Variants in GATAD2B observed in about 807,000 individuals in gnomAD.
GATAD2B encodes transcriptional repressor p66-beta.
In GATAD2B, 8 loss-of-function variants were observed where a neutral mutation model predicts 64.3. That is an observed-to-expected ratio of 0.12 (90% CI 0.07 to 0.22). The LOEUF is 0.22. Ranked by LOEUF, GATAD2B falls within the 10% of genes least tolerant of loss-of-function variation. The probability of loss-of-function intolerance (pLI) is 1.00; values close to 1 mark genes in which losing one functional copy is unlikely to be tolerated. For synonymous variants in GATAD2B, 281 were observed against 271.3 expected (o/e 1.04, Z -0.35); for missense variants, 453 against 752.0 (o/e 0.60, Z 4.65).
intron 1 of GATAD2B, among the ~76,000 whole-genome samples, chr1:153,879,537 G>A (rs185223259): frequency 1.3e-5 from 2 of 152,056 alleles, no homozygotes; most frequent in Admixed American, 6.5e-5. Flanking sequence ...GTCAAGACGG[G>A]CGGATTATGA....
intron 1 of GATAD2B, among the ~76,000 whole-genome samples, chr1:153,878,014 G>A (rs1176367274): frequency 1.3e-5 from 2 of 151,666 alleles, no homozygotes; most frequent in South Asian, 2.1e-4. Context: ...TTGTCTTTCA[G>A]TACTCAACAG....
At chr1:153,900,196 T>A (rs1029291174) in intron 1 of GATAD2B, among the ~76,000 whole-genome samples, 1 of 151,974 alleles carries the variant, frequency 6.6e-6, no homozygotes, top group Non-Finnish European at 1.5e-5. Flanking sequence ...GGCAGGCGGA[T>A]CACGAGGTCA....
chr1:153,842,372 AGTT>A (rs1437565857), intron 1 of GATAD2B, among the ~76,000 whole-genome samples: 3 of 152,134 alleles, frequency 2.0e-5, no homozygotes, highest in Non-Finnish European at 2.9e-5. Context: ...TTTAGATACT[AGTT>A]GTTAGTCATC....
At chr1:153,872,533 G>T (rs1676703930) in intron 1 of GATAD2B, among the ~76,000 whole-genome samples, 1 of 149,314 alleles carries the variant, frequency 6.7e-6, no homozygotes, top group Non-Finnish European at 1.5e-5. Flanking sequence ...TCTTTCGAAG[G>T]TTGACATATT....
At chr1:153,873,839 C>T (rs1248670346) in intron 1 of GATAD2B, among the ~76,000 whole-genome samples, 1 of 152,194 alleles carries the variant, frequency 6.6e-6, no homozygotes, top group Non-Finnish European at 1.5e-5. Flanking sequence ...GTCCTAGCTA[C>T]TTGAGAGGCT....
At chr1:153,916,334 A>C (rs1020413671) in intron 1 of GATAD2B, among the ~76,000 whole-genome samples, 7 of 152,152 alleles carry the variant, frequency 4.6e-5, no homozygotes, top group Non-Finnish European at 7.4e-5. Flanking sequence ...GTAAGCGATC[A>C]AGGCAATATC....
chr1:153,869,878 G>A (rs1293807371), intron 1 of GATAD2B, among the ~76,000 whole-genome samples: 1 of 152,156 alleles, frequency 6.6e-6, no homozygotes. Context: ...TATAATCCCA[G>A]CACTTTGGGA....
intron 1 of GATAD2B, 107 bp from the exon 2 acceptor site, chr1:153,828,455 TACACACACACACACACACACACACAC>T: frequency 6.9e-6 from 4 of 583,434 alleles, no homozygotes; most frequent in East Asian, 2.9e-5. Context: ...CTCTCACACA[TACACACACACACACACACACACACAC>T]ACACACACAC....
chr1:153,916,726 T>C (rs146567573), intron 1 of GATAD2B, among the ~76,000 whole-genome samples: 26 of 152,350 alleles, frequency 1.7e-4, no homozygotes, highest in African/African-American at 5.5e-4. Context: ...TTTATGCTTG[T>C]ATTTCATACT....
At chr1:153,833,999 T>C (rs1675176307) in intron 1 of GATAD2B, among the ~76,000 whole-genome samples, 1 of 151,226 alleles carries the variant, frequency 6.6e-6, no homozygotes, top group Admixed American at 6.6e-5. Context: ...TGTTTTTTTT[T>C]GGTTGTTTTT....
intron 1 of GATAD2B, among the ~76,000 whole-genome samples, chr1:153,908,040 T>A (rs573924219): frequency 2.0e-5 from 3 of 152,290 alleles, no homozygotes; most frequent in South Asian, 4.1e-4. Context: ...CCTGACCTCA[T>A]GATCTGCCTG....
intron 1 of GATAD2B, among the ~76,000 whole-genome samples, chr1:153,829,626 A>G (rs1675007692): frequency 6.6e-6 from 1 of 152,100 alleles, no homozygotes; most frequent in South Asian, 2.1e-4. Context: ...AATCCCTGCT[A>G]CTTGGGAAGC....
intron 1 of GATAD2B, among the ~76,000 whole-genome samples, chr1:153,904,321 T>A (rs756018772): frequency 6.8e-6 from 1 of 146,992 alleles, no homozygotes. Context: ...TAAATAAATA[T>A]TAGCTTGTAT....
At chr1:153,820,964 G>A (rs2101884526) in intron 2 of GATAD2B, among the ~76,000 whole-genome samples, 1 of 137,292 alleles carries the variant, frequency 7.3e-6, no homozygotes, top group African/African-American at 2.8e-5. Context: ...AGTTGCTGTT[G>A]GCACATGGAA....
intron 2 of GATAD2B, among the ~76,000 whole-genome samples, chr1:153,820,376 C>G (rs768699317): frequency 1.3e-5 from 2 of 152,250 alleles, no homozygotes; most frequent in South Asian, 2.1e-4. Flanking sequence ...TACTAGATAA[C>G]TCTCATTTAG....
At chr1:153,877,623 A>C (rs151075407) in intron 1 of GATAD2B, among the ~76,000 whole-genome samples, 7 of 152,222 alleles carry the variant, frequency 4.6e-5, no homozygotes, top group Non-Finnish European at 1.0e-4. Context: ...CATGCCTGTA[A>C]TCCCAGCACT....
rs1674164877 is a variant in GATAD2B, at chr1:153,808,114, C to A, written c.*2063G>T. On this transcript the variant is annotated 3_prime_UTR_variant, in exon 11 of 11. Coordinates refer to ENST00000368655, the MANE Select transcript of GATAD2B (RefSeq NM_020699.4). ...TCCCAGACCCAGTTCCATTAACCCC[C>A]CTCCCTCTCCCACCACTTACAGTCA... 2 of 152,250 alleles carry A rather than the reference C, an allele frequency of 1.3e-5. No individual in the cohort carries two copies. Among genetic ancestry groups the A allele is most frequent in the Admixed American group, 1.3e-4 (2 of 15,252 alleles). 9.4% of individuals were successfully genotyped at this position (152,250 alleles called of 1,614,324 possible).
intron 1 of GATAD2B, among the ~76,000 whole-genome samples, chr1:153,885,075 A>G (rs111510329): frequency 1.3e-5 from 2 of 152,158 alleles, no homozygotes; most frequent in African/African-American, 4.8e-5. Flanking sequence ...CATCTTCTGG[A>G]TATGGAAATT....
chr1:153,816,683 G>A lies in GATAD2B; in HGVS notation c.901-95C>T, dbSNP rs551549879. ...GAGGACACTGTCTGATCCTGGTTTG[G>A]ACTACTTAGCTTCTCCAAAAATAGG... On this transcript the variant is annotated intron_variant, in intron 6 of 10. Coordinates refer to ENST00000368655, the MANE Select transcript of GATAD2B (RefSeq NM_020699.4). The surrounding 1 kb of genome is among the most constrained non-coding windows in gnomAD (Gnocchi z 4.9). The A allele has an allele frequency of 2.1e-5, 16 of 772,860 alleles. No homozygotes were observed. The highest frequency in any genetic ancestry group is 2.5e-4 in the Middle Eastern group (1 of 3,996). The allele number at this position is 772,860 out of a possible 1,614,324, so 47.9% of individuals were successfully genotyped here.
Sources: allele counts gnomAD v4.1 joint callset (sites outside exome capture counted in the v4.1 genomes callset), GRCh38; gene constraint gnomAD v4.1.1; non-coding constraint Gnocchi (gnomAD v3.1); transcripts MANE v1.5; gene names NCBI Gene and HGNC (gene_info 2026-07-23, HGNC 2026-07-21).